Variants in USP15 observed in about 807,000 individuals in gnomAD.
USP15 encodes ubiquitin carboxyl-terminal hydrolase 15.
USP15 carries 18 observed loss-of-function variants against 127.1 expected under a neutral mutation model. That is an observed-to-expected ratio of 0.14 (90% CI 0.10 to 0.21). The LOEUF (loss-of-function observed/expected upper bound fraction) is 0.21. Ranked by LOEUF, USP15 falls within the 10% of genes least tolerant of loss-of-function variation. The pLI, the probability that USP15 is intolerant of heterozygous loss-of-function variation, is 1.00. For synonymous variants in USP15, 364 were observed against 393.7 expected, an observed-to-expected ratio of 0.92 and a Z score of 0.89; for missense variants, 805 against 1,159.9, an observed-to-expected ratio of 0.69 and a Z score of 4.44.
At chr12:62,265,770 C>G (rs2063177532) in intron 1 of USP15, among the ~76,000 whole-genome samples, 2 of 152,152 alleles carry the variant, frequency 1.3e-5, no homozygotes, top group Admixed American at 1.3e-4. Context: ...TGGTTTGAAA[C>G]TCCTGACCTC....
chr12:62,320,697 A>G (rs1030503828), intron 4 of USP15, among the ~76,000 whole-genome samples: 2 of 152,184 alleles, frequency 1.3e-5, no homozygotes, highest in Non-Finnish European at 2.9e-5. Context: ...ATTGGACTAA[A>G]TTATGTAGGA....
chr12:62,309,393 C>T (rs891517787), intron 3 of USP15, among the ~76,000 whole-genome samples: 1 of 152,038 alleles, frequency 6.6e-6, no homozygotes, highest in African/African-American at 2.4e-5. Context: ...AACTCGAATT[C>T]ACCTATGTGA....
intron 8 of USP15, among the ~76,000 whole-genome samples, chr12:62,375,886 C>A (rs1332665207): frequency 2.0e-5 from 3 of 152,156 alleles, no homozygotes; most frequent in Non-Finnish European, 4.4e-5. Context: ...CTTGCACATA[C>A]AATAGCCATT....
At chr12:62,367,452 C>T (rs1416240958) in intron 8 of USP15, among the ~76,000 whole-genome samples, 1 of 152,132 alleles carries the variant, frequency 6.6e-6, no homozygotes, top group Non-Finnish European at 1.5e-5. Context: ...TGGTCTCGAT[C>T]TCCTGACCTC....
At chr12:62,335,538 C>T in intron 6 of USP15, 1 of 1,099,414 alleles carries the variant, frequency 9.1e-7, no homozygotes, top group Non-Finnish European at 1.1e-6. Flanking sequence ...TTTATTATCT[C>T]CTCTCTCCTA....
intron 3 of USP15, among the ~76,000 whole-genome samples, chr12:62,311,533 C>T (rs1171818736): frequency 1.3e-5 from 2 of 151,544 alleles, no homozygotes; most frequent in Non-Finnish European, 3.0e-5. Flanking sequence ...TGTTGTGTTC[C>T]GGTAAAGCAC....
Position 62,406,126 on chromosome 12 carries a change from CTTT to C in USP15, c.*1753_*1755del, listed in dbSNP as rs2067862060. ...AAAGCTATTCAAGGCCTTATTTAGT[CTTT>C]TATTTCTTACTCTTAATCTTTTAAT... On this transcript the variant is annotated 3_prime_UTR_variant, in exon 22 of 22. Transcript: ENST00000280377. 1 of 151,614 alleles carries C rather than the reference CTTT, an allele frequency of 6.6e-6. No homozygotes were observed. The highest frequency in any genetic ancestry group is 2.4e-5 in the African/African-American group (1 of 41,232). The allele number at this position is 151,614 out of a possible 1,614,324, so 9.4% of individuals were successfully genotyped here.
intron 6 of USP15, among the ~76,000 whole-genome samples, chr12:62,348,442 A>G (rs183476827): frequency 1.3e-5 from 2 of 152,326 alleles, no homozygotes; most frequent in Middle Eastern, 3.4e-3. Flanking sequence ...AAAATTTACA[A>G]TGACTGAGTC....
chr12:62,308,327 C>G (rs2064548551), intron 3 of USP15, among the ~76,000 whole-genome samples: 1 of 152,002 alleles, frequency 6.6e-6, no homozygotes, highest in Admixed American at 6.6e-5. Flanking sequence ...CTCAAAGATG[C>G]TCCCCAGTGA....
intron 20 of USP15, among the ~76,000 whole-genome samples, chr12:62,398,935 T>G (rs527520250): frequency 4.6e-5 from 7 of 152,262 alleles, no homozygotes; most frequent in Non-Finnish European, 8.8e-5. Context: ...TGCATAATTA[T>G]ACTTATGTTC....
intron 7 of USP15, among the ~76,000 whole-genome samples, chr12:62,354,172 T>G (rs139471568): frequency 2.0e-5 from 3 of 151,708 alleles, no homozygotes; most frequent in Admixed American, 1.3e-4. Flanking sequence ...CTAAAGACTT[T>G]CTTAGAACAG....
intron 8 of USP15, among the ~76,000 whole-genome samples, chr12:62,355,822 T>A: frequency 7.8e-6 from 1 of 128,976 alleles, no homozygotes; most frequent in Non-Finnish European, 1.7e-5. Flanking sequence ...GCACTTTTTT[T>A]TTCTTTTTTT....
At chr12:62,282,671 C>T (rs1025005028) in intron 1 of USP15, among the ~76,000 whole-genome samples, 1 of 152,210 alleles carries the variant, frequency 6.6e-6, no homozygotes, top group South Asian at 2.1e-4. Flanking sequence ...TCTTGGTTAT[C>T]AGGTTGACTG....
At chr12:62,345,334 A>G (rs1412389915) in intron 6 of USP15, among the ~76,000 whole-genome samples, 1 of 151,942 alleles carries the variant, frequency 6.6e-6, no homozygotes, top group African/African-American at 2.4e-5. Context: ...AACAAGAGTC[A>G]CCCTTGCTCC....
chr12:62,288,243 C>T (rs967147803), intron 1 of USP15, among the ~76,000 whole-genome samples: 2 of 151,800 alleles, frequency 1.3e-5, no homozygotes, highest in Non-Finnish European at 2.9e-5. Flanking sequence ...GGATGTTGTT[C>T]CACTTATTTG....
intron 9 of USP15, among the ~76,000 whole-genome samples, chr12:62,382,001 A>C (rs2067004047): frequency 6.6e-6 from 1 of 152,064 alleles, no homozygotes; most frequent in Non-Finnish European, 1.5e-5. Flanking sequence ...AATATAGTAC[A>C]TCTCTGGAAA....
chr12:62,353,316 A>G (rs1026319793), intron 7 of USP15, among the ~76,000 whole-genome samples: 26 of 152,096 alleles, frequency 1.7e-4, no homozygotes, highest in Non-Finnish European at 1.5e-5. Flanking sequence ...TTCAGTTCTC[A>G]GTAAATAGCA....
At chr12:62,385,412 A>C (rs140790344) in intron 11 of USP15, among the ~76,000 whole-genome samples, 113 of 152,138 alleles carry the variant, frequency 7.4e-4, no homozygotes, top group African/African-American at 2.5e-3. Context: ...TATTGTCAAC[A>C]AAGACAGGGT....
At chr12:62,304,004 T>C (rs995124784) in intron 3 of USP15, among the ~76,000 whole-genome samples, 1 of 151,352 alleles carries the variant, frequency 6.6e-6, no homozygotes, top group Non-Finnish European at 1.5e-5. Context: ...TGTCTAGAAT[T>C]ATTTCATTCC....
Sources: allele counts gnomAD v4.1 joint callset (sites outside exome capture counted in the v4.1 genomes callset), GRCh38; gene constraint gnomAD v4.1.1; transcripts MANE v1.5; gene names NCBI Gene and HGNC (gene_info 2026-07-23, HGNC 2026-07-21).